Variants in SLC9A6 observed in about 807,000 individuals in gnomAD.
The protein encoded by SLC9A6 is solute carrier family 9 member A6.
A neutral mutation model predicts 45.3 loss-of-function variants in SLC9A6; 6 were observed. The ratio of observed to expected loss-of-function variants is 0.13; its 90% CI spans 0.07 to 0.26. The LOEUF is 0.26. SLC9A6 is among the 10% of genes least tolerant of loss of function. The pLI, the probability that SLC9A6 is intolerant of heterozygous loss-of-function variation, is 1.00. For synonymous variants in SLC9A6, 191 were observed against 187.7 expected (o/e 1.02, Z -0.14); for missense variants, 278 against 503.7 (o/e 0.55, Z 4.29).
chrX:135,989,253 C>T (rs1427449168), intron 2 of SLC9A6, among the ~76,000 whole-genome samples: 1 of 111,887 alleles, frequency 8.9e-6, no homozygotes, highest in African/African-American at 3.2e-5. Context: ...TACAAACACA[C>T]AATTGCAAAG....
rs558981540 is a variant in SLC9A6, at chrX:136,031,561, G to A, written c.1581+1399G>A. 3.7e-4 allele frequency among the ~76,000 whole-genome samples: 42 copies of A among 112,022 alleles called. No individual in the cohort carries two copies. In the South Asian group the frequency reaches 0.013, roughly 35 times the overall value. On this transcript the variant is annotated intron_variant, in intron 15 of 17. Transcript: ENST00000630721. ...CTAAAAATACAGAAATTAGCTGGGC[G>A]TGGTGGTGGGTGCCTGTAGTCCCAG...
intron 9 of SLC9A6, 30 bp from the exon 10 acceptor site, chrX:136,013,319 A>T: frequency 9.0e-7 from 1 of 1,109,475 alleles, no homozygotes; most frequent in Non-Finnish European, 1.2e-6. Flanking sequence ...CCATCCTTTT[A>T]TGTGAACTTG....
Position 136,046,021 on chromosome X carries a change from A to G in SLC9A6, c.*1297A>G, listed in dbSNP as rs2071593978. ...TATTTGGAGTATGAAAGTAGATTCT[A>G]TTTTGTAATGCTGATAATACCTAAA... On this transcript the variant is annotated 3_prime_UTR_variant, in exon 18 of 18. Coordinates refer to ENST00000630721, the MANE Select transcript of SLC9A6 (RefSeq NM_001379110.1). 1 of 111,905 alleles carries G rather than the reference A, an allele frequency of 8.9e-6. No homozygotes were observed. The highest frequency in any genetic ancestry group is 1.9e-5 in the Non-Finnish European group (1 of 53,155). The allele number at this position is 111,905 out of a possible 1,213,427, so 9.2% of individuals were successfully genotyped here.
intron 11 of SLC9A6, among the ~76,000 whole-genome samples, chrX:136,017,914 A>G (rs2071050908): frequency 9.0e-6 from 1 of 111,194 alleles, no homozygotes; most frequent in Non-Finnish European, 1.9e-5. Context: ...ATCCACTGCA[A>G]GCTCACTCAA....
intron 6 of SLC9A6, among the ~76,000 whole-genome samples, chrX:136,001,404 G>T (rs1431515688): frequency 9.2e-6 from 1 of 109,185 alleles, no homozygotes; most frequent in Non-Finnish European, 1.9e-5. Context: ...TGTCCGCTTG[G>T]GTTTCTTTAG....
At chrX:135,982,108 TTC>T (rs2089288057), upstream of SLC9A6, among the ~76,000 whole-genome samples, 1 of 111,633 alleles carries the variant, frequency 9.0e-6, no homozygotes, top group Admixed American at 9.5e-5. Flanking sequence ...GTGAAAAACA[TTC>T]TTAGTTTCAA....
At chrX:136,041,982 T>C (rs782425928) in intron 17 of SLC9A6, among the ~76,000 whole-genome samples, 41 of 110,628 alleles carry the variant, frequency 3.7e-4, no homozygotes, top group Non-Finnish European at 7.4e-4. Flanking sequence ...CCTGTGTGCA[T>C]GCCTACTTCC....
chrX:135,995,280 T>A (rs2089482472), intron 3 of SLC9A6, among the ~76,000 whole-genome samples: 1 of 112,089 alleles, frequency 8.9e-6, no homozygotes, highest in South Asian at 3.7e-4. Flanking sequence ...AGCGTTTCTT[T>A]CCATTTGCAG....
intron 7 of SLC9A6, among the ~76,000 whole-genome samples, chrX:136,006,703 G>A (rs1337180815): frequency 9.1e-6 from 1 of 109,682 alleles, no homozygotes; most frequent in Non-Finnish European, 1.9e-5. Flanking sequence ...TTAGCCTGGG[G>A]ACCTAAATCC....
chrX:136,040,439 G>A (rs1160746849), intron 17 of SLC9A6, among the ~76,000 whole-genome samples: 3 of 112,119 alleles, frequency 2.7e-5, no homozygotes, highest in African/African-American at 9.7e-5. Context: ...TTAGTAAATA[G>A]TTCTATTTCC....
intron 1 of SLC9A6, chrX:135,974,816 T>C (rs782534573): frequency 3.3e-5 from 10 of 306,503 alleles, no homozygotes; most frequent in African/African-American, 2.2e-4. Context: ...AAAAGAGGTG[T>C]AGCGCGGGGG....
intron 10 of SLC9A6, among the ~76,000 whole-genome samples, chrX:136,016,323 G>A (rs1201837816): frequency 2.7e-5 from 3 of 110,375 alleles, no homozygotes; most frequent in Non-Finnish European, 5.7e-5. Flanking sequence ...TGGGTAGGAA[G>A]TGATGAAAGT....
intron 17 of SLC9A6, among the ~76,000 whole-genome samples, chrX:136,041,530 G>A (rs1342929011): frequency 1.8e-5 from 2 of 111,163 alleles, no homozygotes; most frequent in Middle Eastern, 4.6e-3. Flanking sequence ...GCCCAGGCTC[G>A]CCTCTCAAAC....
intron 1 of SLC9A6, among the ~76,000 whole-genome samples, chrX:135,976,354 T>C (rs2089262671): frequency 8.9e-6 from 1 of 112,013 alleles, no homozygotes; most frequent in African/African-American, 3.2e-5. Context: ...AATGGTCAGA[T>C]TGAAATTAGC....
chrX:136,040,410 C>T (rs1452983825), intron 17 of SLC9A6, among the ~76,000 whole-genome samples: 5 of 112,249 alleles, frequency 4.5e-5, no homozygotes, highest in African/African-American at 1.6e-4. Context: ...AATCGTGCCT[C>T]ATCTTACTGT....
At chrX:136,032,615 CTT>C (rs1556621271) in intron 15 of SLC9A6, among the ~76,000 whole-genome samples, 1 of 112,143 alleles carries the variant, frequency 8.9e-6, no homozygotes, top group Non-Finnish European at 1.9e-5. Flanking sequence ...TTTTTGGAAA[CTT>C]TTAGAAGACG....
intron 6 of SLC9A6, among the ~76,000 whole-genome samples, chrX:135,999,416 T>C (rs1320162388): frequency 3.6e-5 from 4 of 111,858 alleles, no homozygotes. Flanking sequence ...TAAGAAAAAA[T>C]GTTTACAAAT....
At chrX:136,044,425 C>A (rs1301578856) in intron 17 of SLC9A6, 27 bp from the exon 18 acceptor site, 6 of 1,188,679 alleles carry the variant, frequency 5.0e-6, no homozygotes, top group Non-Finnish European at 6.9e-6. Context: ...CTCAAAAATT[C>A]TTAAATCTTA....
intron 3 of SLC9A6, among the ~76,000 whole-genome samples, chrX:135,997,398 CTTTTTTTTT>C (rs1180028983): frequency 4.7e-5 from 3 of 63,304 alleles, no homozygotes; most frequent in African/African-American, 6.6e-5. Flanking sequence ...CATGCTTTCT[CTTTTTTTTT>C]TTTTTTTTTT....
Sources: allele counts gnomAD v4.1 joint callset (sites outside exome capture counted in the v4.1 genomes callset), GRCh38; gene constraint gnomAD v4.1.1; transcripts MANE v1.5; gene names NCBI Gene and HGNC (gene_info 2026-07-23, HGNC 2026-07-21).